Variants in TDP1 observed in about 807,000 individuals in gnomAD.
TDP1 encodes tyrosyl-DNA phosphodiesterase 1, also known as tyr-DNA phosphodiesterase 1.
Under a neutral mutation model 81.5 loss-of-function variants are expected in TDP1, and 64 were observed. The observed-to-expected ratio is 0.79, with a 90% CI of 0.64 to 0.97. TDP1 has a LOEUF of 0.97. TDP1 is among the 50% of genes least tolerant of loss of function. The pLI, the probability that TDP1 is intolerant of heterozygous loss-of-function variation, is 0.00. For synonymous variants in TDP1, 256 were observed against 264.3 expected (o/e 0.97, Z 0.30); for missense variants, 723 against 743.8 (o/e 0.97, Z 0.33).
intron 11 of TDP1, 133 bp downstream of exon 11, chr14:89,989,223 G>T: frequency 7.2e-7 from 1 of 1,393,992 alleles, no homozygotes; most frequent in Non-Finnish European, 9.7e-7. Context: ...TGGCGGGGGC[G>T]GGGTGCGGAA....
intron 10 of TDP1, among the ~76,000 whole-genome samples, chr14:89,985,848 G>A (rs576265831): frequency 6.6e-6 from 1 of 152,256 alleles, no homozygotes; most frequent in Non-Finnish European, 1.5e-5. Flanking sequence ...CCAACGTGGT[G>A]AAACCCTGTC....
At chr14:89,974,816 T>C (rs945469083) in intron 6 of TDP1, among the ~76,000 whole-genome samples, 81 of 152,216 alleles carry the variant, frequency 5.3e-4, no homozygotes, top group African/African-American at 1.9e-3. Context: ...GCGTTCCTAA[T>C]TGTGAAACTT....
At position 89,980,644 on chromosome 14, in the gene TDP1, C is replaced by A; in HGVS notation, c.884+12C>A. ...CAGAAAACTCAAGGGTTCGTAGGGG[C>A]CTGCTCACTTCCTGGCAGTGTGTGT... On this transcript the variant is annotated intron_variant, in intron 8 of 16. Coordinates refer to ENST00000335725, the MANE Select transcript of TDP1 (RefSeq NM_018319.4). The A allele has an allele frequency of 3.1e-6, 5 of 1,606,812 alleles. No individual in the cohort carries two copies. The highest frequency in any genetic ancestry group is 4.3e-6 in the Non-Finnish European group (5 of 1,173,372).
At position 89,967,420 on chromosome 14, in the gene TDP1, C is replaced by T; in HGVS notation, c.657C>T (p.Phe219=). Residue 219 remains phenylalanine (F), a splice_region_variant and synonymous_variant, in exon 5 of 17, where the codon TTC becomes TTT. Coordinates refer to ENST00000335725, the MANE Select transcript of TDP1 (RefSeq NM_018319.4). ...TCGTAAAACAGTATCCACCAGAGTTCAGGTGAGTTCCTCAGGGTGACAGAC... is the reference window on the plus strand; with the variant it reads ...TCGTAAAACAGTATCCACCAGAGTTTAGGTGAGTTCCTCAGGGTGACAGAC... ...DWLVKQYPPE[F]RKKPILLVHG... is the part of the protein sequence containing the mutation. 4 of 1,613,866 alleles carry T rather than the reference C, an allele frequency of 2.5e-6. No individual in the cohort carries two copies. Among genetic ancestry groups the T allele is most frequent in the Non-Finnish European group, 3.4e-6 (4 of 1,179,802 alleles).
chr14:89,981,970 A>G (rs1398313202), intron 8 of TDP1, among the ~76,000 whole-genome samples: 2 of 152,120 alleles, frequency 1.3e-5, no homozygotes, highest in South Asian at 4.1e-4. Context: ...CCCAAGTTAC[A>G]TCTTAGTTTG....
chr14:90,027,655 C>T (rs1046780300), intron 15 of TDP1, among the ~76,000 whole-genome samples: 1 of 152,030 alleles, frequency 6.6e-6, no homozygotes, highest in African/African-American at 2.4e-5. Context: ...TCTCTAGGAG[C>T]CAAAATGAGA....
At chr14:90,024,912 A>G (rs773455846) in intron 15 of TDP1, among the ~76,000 whole-genome samples, 4 of 152,170 alleles carry the variant, frequency 2.6e-5, no homozygotes, top group Non-Finnish European at 5.9e-5. Context: ...GACTTACTTA[A>G]TACAGAATTT....
intron 14 of TDP1, among the ~76,000 whole-genome samples, chr14:90,000,190 T>G (rs186229071): frequency 1.3e-5 from 2 of 152,320 alleles, no homozygotes; most frequent in Admixed American, 1.3e-4. Context: ...ATGGGATGCT[T>G]CTTGGAGACC....
At chr14:90,008,466 G>A (rs953542477) in intron 14 of TDP1, among the ~76,000 whole-genome samples, 2 of 152,220 alleles carry the variant, frequency 1.3e-5, no homozygotes, top group African/African-American at 4.8e-5. Context: ...CGCTGCCTGA[G>A]TTCGAATTCT....
intron 15 of TDP1, among the ~76,000 whole-genome samples, chr14:90,026,778 AG>A: frequency 6.6e-6 from 1 of 152,308 alleles, no homozygotes; most frequent in Middle Eastern, 3.4e-3. Flanking sequence ...GTCCCTACAA[AG>A]GACATGAACT....
intron 15 of TDP1, among the ~76,000 whole-genome samples, chr14:90,021,996 G>A (rs1185593257): frequency 6.6e-6 from 1 of 152,208 alleles, no homozygotes; most frequent in South Asian, 2.1e-4. Context: ...TGGTTGGGCT[G>A]TGTCCTTCAG....
At chr14:90,029,174 T>C (rs1886976011) in intron 15 of TDP1, among the ~76,000 whole-genome samples, 1 of 151,672 alleles carries the variant, frequency 6.6e-6, no homozygotes, top group African/African-American at 2.4e-5. Context: ...AAAGACGGTT[T>C]GATTTCCAGC....
At chr14:90,038,701 G>C (rs1437064994) in intron 16 of TDP1, among the ~76,000 whole-genome samples, 1 of 152,114 alleles carries the variant, frequency 6.6e-6, no homozygotes, top group African/African-American at 2.4e-5. Context: ...AGCTGGGTGT[G>C]GTGGCACATG....
rs377205849 is a variant in TDP1, at chr14:89,989,133, A to G, written c.1317+43A>G. On this transcript the variant is annotated intron_variant, in intron 11 of 16. Coordinates refer to ENST00000335725, the MANE Select transcript of TDP1 (RefSeq NM_018319.4). ...TTGAGGTAGTTTACTTTTATTCTCT[A>G]CACAGGAGAAGAATTGAAAATTGGT... 1.1e-4 allele frequency: 179 copies of G among 1,567,030 alleles called. 1 individual carries two copies. Among genetic ancestry groups the G allele is most frequent in the Admixed American group, 1.7e-4 (10 of 59,768 alleles).
chr14:89,971,320 G>A, intron 6 of TDP1, 49 bp downstream of exon 6: 1 of 1,401,256 alleles, frequency 7.1e-7, no homozygotes, highest in Non-Finnish European at 1.0e-6. Flanking sequence ...GAGTTAGAAG[G>A]AAACTTAGAC....
chr14:89,984,457 C>A, intron 8 of TDP1, 59 bp from the exon 9 acceptor site: 1 of 1,611,376 alleles, frequency 6.2e-7, no homozygotes, highest in Non-Finnish European at 8.5e-7. Flanking sequence ...ATAATCGATA[C>A]AGAGATCATT....
chr14:90,040,127 C>T (rs1324017766), intron 16 of TDP1, among the ~76,000 whole-genome samples: 1 of 152,194 alleles, frequency 6.6e-6, no homozygotes, highest in African/African-American at 2.4e-5. Context: ...CAGCCATGGC[C>T]TTAATGTAGG....
intron 16 of TDP1, among the ~76,000 whole-genome samples, chr14:90,036,838 C>T (rs963402601): frequency 1.5e-5 from 2 of 132,556 alleles, no homozygotes; most frequent in African/African-American, 6.7e-5. Context: ...AAGATAGGGT[C>T]TCGCTCTGTC....
chr14:89,973,529 C>G (rs1893894532), intron 6 of TDP1, among the ~76,000 whole-genome samples: 1 of 152,178 alleles, frequency 6.6e-6, no homozygotes, highest in Non-Finnish European at 1.5e-5. Flanking sequence ...CTTGAAGCAC[C>G]TTTATACCTT....
Sources: allele counts gnomAD v4.1 joint callset (sites outside exome capture counted in the v4.1 genomes callset), GRCh38; gene constraint gnomAD v4.1.1; transcripts MANE v1.5; gene names NCBI Gene and HGNC (gene_info 2026-07-23, HGNC 2026-07-21).